Variants in IDE observed in about 807,000 individuals in gnomAD.
The protein encoded by IDE is insulin degrading enzyme, also known as insulin-degrading enzyme.
A neutral mutation model predicts 133.2 loss-of-function variants in IDE; 58 were observed. The ratio of observed to expected loss-of-function variants is 0.44; its 90% CI spans 0.35 to 0.54. The LOEUF is 0.54. IDE is among the 20% of genes least tolerant of loss of function. IDE has a pLI of 0.00. For missense variants in IDE, 981 were observed against 1,234.0 expected, an observed-to-expected ratio of 0.79 and a Z score of 3.07; for synonymous variants, 396 against 421.3, an observed-to-expected ratio of 0.94 and a Z score of 0.73.
At chr10:92,460,552 A>C (rs1471091049) in intron 22 of IDE, among the ~76,000 whole-genome samples, 2 of 152,182 alleles carry the variant, frequency 1.3e-5, no homozygotes, top group East Asian at 3.8e-4. Flanking sequence ...CACTGGAAGA[A>C]GAAGAATTGT....
chr10:92,544,621 C>T (rs111478500), intron 1 of IDE, among the ~76,000 whole-genome samples: 22 of 152,316 alleles, frequency 1.4e-4, no homozygotes, highest in Non-Finnish European at 3.1e-4. Flanking sequence ...CCTCACAGTC[C>T]TTCCCTAGCC....
Position 92,485,377 on chromosome 10 carries a change from C to T in IDE, c.1656+1819G>A, listed in dbSNP as rs527997535. ...CTCATGATCCACTCGCCTCAGCCTC[C>T]CAAAGTGCTGGGATTACAGGCGTGA... is the stretch of plus-strand genomic sequence containing the variant. On this transcript the variant is annotated intron_variant, in intron 13 of 24. Coordinates refer to ENST00000265986, the MANE Select transcript of IDE (RefSeq NM_004969.4). Among the ~76,000 whole-genome samples, 32 of 152,038 alleles carry T rather than the reference C, an allele frequency of 2.1e-4. 1 individual carries two copies. The highest frequency in any genetic ancestry group is 4.3e-4 in the Non-Finnish European group (29 of 68,000).
chr10:92,513,678 A>G (rs1848748141), intron 5 of IDE, among the ~76,000 whole-genome samples: 1 of 150,058 alleles, frequency 6.7e-6, no homozygotes, highest in Admixed American at 6.7e-5. Flanking sequence ...ATGTTTAGTT[A>G]TATATGCACA....
intron 12 of IDE, among the ~76,000 whole-genome samples, chr10:92,488,303 T>C (rs1847122212): frequency 6.6e-6 from 1 of 152,094 alleles, no homozygotes; most frequent in Non-Finnish European, 1.5e-5. Flanking sequence ...GGGGTTTCAC[T>C]GTATTGCCCA....
intron 5 of IDE, among the ~76,000 whole-genome samples, chr10:92,510,867 A>T (rs553230058): frequency 6.6e-6 from 1 of 151,012 alleles, no homozygotes; most frequent in African/African-American, 2.4e-5. Context: ...TCACATATAT[A>T]TCACATACAT....
chr10:92,550,522 G>T (rs1171821815), intron 1 of IDE, among the ~76,000 whole-genome samples: 2 of 151,874 alleles, frequency 1.3e-5, no homozygotes, highest in African/African-American at 4.8e-5. Flanking sequence ...GTGGTGGCAG[G>T]TGCCTGTAGT....
At chr10:92,515,560 CTTTTT>C (rs770666032) in intron 4 of IDE, among the ~76,000 whole-genome samples, 1 of 106,728 alleles carries the variant, frequency 9.4e-6, no homozygotes, top group Admixed American at 1.0e-4. Flanking sequence ...CGCACCCGGC[CTTTTT>C]TTTTTTTTTT....
intron 5 of IDE, among the ~76,000 whole-genome samples, chr10:92,510,688 C>T (rs1160057003): frequency 6.6e-6 from 1 of 151,168 alleles, no homozygotes; most frequent in Non-Finnish European, 1.5e-5. Flanking sequence ...TGATATATAT[C>T]ACATACATCT....
In IDE at chr10:92,508,905, TCA is replaced by T. The variant is rs779112541; in HGVS notation, c.898-17_898-16del. On this transcript the variant is annotated splice_polypyrimidine_tract_variant and intron_variant, in intron 6 of 24. Transcript: ENST00000265986. ...TTGTAAAGTTGCTGGAGAAAACAAA[TCA>T]CAGAGATTAGCTATATACGACTCCT... is the stretch of plus-strand genomic sequence containing the variant. The T allele has an allele frequency of 3.1e-6, 5 of 1,599,052 alleles. No individual in the cohort carries two copies. Among genetic ancestry groups the T allele is most frequent in the Admixed American group, 1.7e-5 (1 of 59,960 alleles).
chr10:92,503,512 C>T (rs914702509), intron 11 of IDE, among the ~76,000 whole-genome samples: 3 of 152,014 alleles, frequency 2.0e-5, no homozygotes, highest in African/African-American at 7.2e-5. Context: ...GAAAGTCACC[C>T]GAGTCCACCA....
At chr10:92,468,290 CTTCAT>C (rs1484121437) in intron 19 of IDE, among the ~76,000 whole-genome samples, 24 of 152,140 alleles carry the variant, frequency 1.6e-4, no homozygotes, top group Non-Finnish European at 1.3e-4. Flanking sequence ...GCTTCTCTTC[CTTCAT>C]TTAATATACC....
intron 1 of IDE, among the ~76,000 whole-genome samples, chr10:92,548,834 C>T (rs979482464): frequency 4.6e-5 from 7 of 152,146 alleles, no homozygotes; most frequent in African/African-American, 1.7e-4. Context: ...TGACTATTCC[C>T]ACTCACCAAC....
chr10:92,518,882 G>T (rs1229141455), intron 4 of IDE, among the ~76,000 whole-genome samples: 1 of 152,068 alleles, frequency 6.6e-6, no homozygotes, highest in Non-Finnish European at 1.5e-5. Flanking sequence ...GAAGATAGTG[G>T]TTATCTCTCA....
chr10:92,542,631 G>C (rs762546982), intron 1 of IDE, among the ~76,000 whole-genome samples: 20 of 152,192 alleles, frequency 1.3e-4, no homozygotes, highest in Non-Finnish European at 1.5e-5. Flanking sequence ...ACTTTCCCTG[G>C]GGCACTATGG....
intron 13 of IDE, among the ~76,000 whole-genome samples, chr10:92,486,697 A>G (rs1351659784): frequency 6.6e-6 from 1 of 152,080 alleles, no homozygotes; most frequent in Non-Finnish European, 1.5e-5. Flanking sequence ...TGGGGAGGGA[A>G]CCCTACTTCT....
At position 92,514,776 on chromosome 10, in the gene IDE, T is replaced by G. The variant is rs922669252; in HGVS notation, c.784+144A>C. On this transcript the variant is annotated intron_variant, in intron 5 of 24. Coordinates refer to ENST00000265986, the MANE Select transcript of IDE (RefSeq NM_004969.4). Reference sequence around the variant, plus strand: ...ATTTAAACATAAAAATCCCCACCTATGTATTCTCTAACAAGTAGATCATTT... The same window carrying G: ...ATTTAAACATAAAAATCCCCACCTAGGTATTCTCTAACAAGTAGATCATTT... The G allele has an allele frequency of 9.9e-6, 6 of 605,934 alleles. No homozygotes were observed. The Admixed American group carries it at 1.1e-4, about 11-fold the overall frequency. 37.5% of individuals were successfully genotyped at this position (605,934 alleles called of 1,614,324 possible).
chr10:92,566,413 T>TCACA lies in IDE; in HGVS notation c.98+7505_98+7508dup, dbSNP rs3051566. On this transcript the variant is annotated intron_variant, in intron 1 of 24. Coordinates refer to ENST00000265986, the MANE Select transcript of IDE (RefSeq NM_004969.4). ...ATCTCTCTCTCTCTCTCTCTCTCTCTCACACACACACACACACACACACAC... is the reference window on the plus strand; with the variant it reads ...ATCTCTCTCTCTCTCTCTCTCTCTCTCACACACACACACACACACACACACACAC... Among the ~76,000 whole-genome samples, 204 of 137,638 alleles carry TCACA rather than the reference T, an allele frequency of 1.5e-3. 1 individual carries two copies. The highest frequency in any genetic ancestry group is 4.8e-3 in the African/African-American group (174 of 36,108). The allele number at this position is 137,638 out of a possible 152,430, so 90.3% of individuals were successfully genotyped here. A position where few individuals can be genotyped will look rare whatever the true frequency, so the allele number is the denominator to read the frequency against.
intron 22 of IDE, among the ~76,000 whole-genome samples, chr10:92,459,669 AC>A (rs1449361328): frequency 6.6e-6 from 1 of 152,174 alleles, no homozygotes; most frequent in Non-Finnish European, 1.5e-5. Flanking sequence ...ATTACAAAAA[AC>A]ATATGTAACA....
At chr10:92,535,614 G>A (rs1048062666) in intron 2 of IDE, among the ~76,000 whole-genome samples, 3 of 152,154 alleles carry the variant, frequency 2.0e-5, no homozygotes, top group African/African-American at 7.2e-5. Flanking sequence ...GGTAGTCTAA[G>A]GCATTATGGT....
Sources: allele counts gnomAD v4.1 joint callset (sites outside exome capture counted in the v4.1 genomes callset), GRCh38; gene constraint gnomAD v4.1.1; transcripts MANE v1.5; gene names NCBI Gene and HGNC (gene_info 2026-07-23, HGNC 2026-07-21).